PSME2: variants seen among roughly 807,000 people sequenced by gnomAD.
PSME2 encodes proteasome activator subunit 2.
In PSME2, 20 loss-of-function variants were observed where a neutral mutation model predicts 38.8. The observed-to-expected ratio is 0.52, with a 90% CI of 0.36 to 0.75. The LOEUF (loss-of-function observed/expected upper bound fraction) is 0.75, where lower values mean the gene tolerates loss of function less well. Among genes scored for constraint, PSME2 ranks in the 30% least tolerant of loss-of-function variants. PSME2 has a pLI of 0.00. For missense variants in PSME2, 227 were observed against 287.6 expected (o/e 0.79, Z 1.52); for synonymous variants, 82 against 102.5 (o/e 0.80, Z 1.21).
Position 24,145,861 on chromosome 14 carries a change from C to T in PSME2, c.82-89G>A, listed in dbSNP as rs1373997891. On this transcript the variant is annotated intron_variant, in intron 2 of 10. Coordinates refer to ENST00000216802, the MANE Select transcript of PSME2 (RefSeq NM_002818.3). ...GAACTGGAAGGGCCTTTGGAAATCA[C>T]TGGGTCCAAGACTTGCAAATGAGGA... 1.4e-5 allele frequency: 19 copies of T among 1,385,512 alleles called. No homozygotes were observed. In the East Asian group the frequency reaches 4.3e-4, roughly 32 times the overall value. 85.8% of individuals were successfully genotyped at this position (1,385,512 alleles called of 1,614,324 possible). A position where few individuals can be genotyped will look rare whatever the true frequency, so the allele number is the denominator to read the frequency against.
chr14:24,145,570 T>A (rs2038139503), intron 3 of PSME2, 105 bp from the exon 4 acceptor site: 1 of 1,443,698 alleles, frequency 6.9e-7, no homozygotes, highest in East Asian at 2.3e-5. Context: ...CAACCTAGGC[T>A]CATGCCTCAC....
rs1238983236 is a variant in PSME2 at position 24,143,417 on chromosome 14, T to C, written c.712A>G (p.Met238Val). ...TCCTTCTAGTCCCGGGTTCAGTACA[T>C]AGATGGCTTTTCTTCACCCTTTGGG... ...VNPKGEEKPS[M>V]Y Residue 238 changes from methionine to valine, a missense_variant, in exon 11 of 11, where the codon ATG becomes GTG. By Grantham distance (21) the Met-to-Val change is conservative. Coordinates refer to ENST00000216802, the MANE Select transcript of PSME2 (RefSeq NM_002818.3). This position sits in a 1 kb window ranked among gnomAD's most constrained non-coding sequence, Gnocchi z 4.4. 6.2e-7 allele frequency: 1 copy of C among 1,612,914 alleles called. No individual in the cohort carries two copies. The highest frequency in any genetic ancestry group is 1.1e-5 in the South Asian group (1 of 91,058).
At chr14:24,146,072 G>T in intron 2 of PSME2, 136 bp downstream of exon 2, 3 of 1,084,118 alleles carry the variant, frequency 2.8e-6, no homozygotes, top group Non-Finnish European at 4.2e-6. Context: ...ATAATTCCGG[G>T]GTTACTTTGG....
rs767606012 is a variant in PSME2, at chr14:24,146,570, C to G, written c.12G>C (p.Pro4=). The stretch of plus-strand genomic sequence containing the variant: ...CTTCCCCGCTCAGGCGCACCCCACA[C>G]GGCTTGGCCATGCTGCTTCAGTCGC... The part of the protein sequence containing the change: MAK[P]CGVRLSGEAR... The change falls in exon 1 of 11, where the codon CCG becomes CCC. Residue 4 remains proline, a synonymous_variant. Transcript: ENST00000216802. The G allele has an allele frequency of 1.9e-6, 3 of 1,613,756 alleles. No homozygotes were observed. In the East Asian group the frequency reaches 6.7e-5, roughly 36 times the overall value.
In PSME2 at chr14:24,144,458, C is replaced by T; in HGVS notation, c.371G>A (p.Trp124Ter). Residue 124 changes from tryptophan (W) to a stop codon, truncating the protein, a stop_gained, in exon 7 of 11, where the codon TGG becomes TAG. Transcript: ENST00000216802. LOFTEE classifies it high-confidence loss of function. Reference sequence around the variant, plus strand: ...AATCTTGGGGATCAGGTGTTGGATCCATGTAATCACCTGTGTTAAGAGGTA... The same window carrying T: ...AATCTTGGGGATCAGGTGTTGGATCTATGTAATCACCTGTGTTAAGAGGTA... The part of the protein sequence containing the change: ...LKEKCILVIT[W>*]IQHLIPKIED... 6.2e-7 allele frequency: 1 copy of T among 1,611,994 alleles called. No individual in the cohort carries two copies. The highest frequency in any genetic ancestry group is 8.5e-7 in the Non-Finnish European group (1 of 1,178,064).
At chr14:24,145,220 T>TA in intron 5 of PSME2, 23 bp downstream of exon 5, 1 of 1,613,658 alleles carries the variant, frequency 6.2e-7, no homozygotes, top group South Asian at 1.1e-5. Context: ...ACCCCTTCCC[T>TA]AGTCACCTCT....
intron 6 of PSME2, 90 bp from the exon 7 acceptor site, chr14:24,144,558 T>C: frequency 7.7e-7 from 1 of 1,294,800 alleles, no homozygotes; most frequent in Non-Finnish European, 1.1e-6. Context: ...TTATATTTAA[T>C]TGGGTACTTA....
At chr14:24,146,427 C>T in intron 1 of PSME2, 107 bp downstream of exon 1, 5 of 1,498,646 alleles carry the variant, frequency 3.3e-6, no homozygotes, top group Non-Finnish European at 4.6e-6. Flanking sequence ...AAGGCACTAG[C>T]GAGATTGGGG....
chr14:24,145,922 C>A (rs769555877), intron 2 of PSME2, 150 bp from the exon 3 acceptor site: 2 of 919,588 alleles, frequency 2.2e-6, no homozygotes, highest in African/African-American at 1.6e-5. Context: ...CTTGCCCAAG[C>A]TGGTAAATGG....
chr14:24,146,113 G>T, intron 2 of PSME2, 95 bp downstream of exon 2: 1 of 1,466,428 alleles, frequency 6.8e-7, no homozygotes, highest in Non-Finnish European at 9.5e-7. Flanking sequence ...GTAGGGTTAA[G>T]TCTAGGGTGA....
At chr14:24,145,192 A>G in intron 5 of PSME2, 37 bp from the exon 6 acceptor site, 1 of 1,611,982 alleles carries the variant, frequency 6.2e-7, no homozygotes, top group Non-Finnish European at 8.5e-7. Context: ...TTTCTCATCC[A>G]GTAGTCAGTG....
In PSME2 at chr14:24,146,241, CTACACAGAGAGCAG is replaced by C; in HGVS notation, c.49-15_49-2del. The C allele has an allele frequency of 6.2e-7, 1 of 1,613,806 alleles. No individual in the cohort carries two copies. The highest frequency in any genetic ancestry group is 1.3e-5 in the African/African-American group (1 of 75,010). On this transcript the variant is annotated splice_acceptor_variant and splice_polypyrimidine_tract_variant and intron_variant, in intron 1 of 10. Transcript: ENST00000216802. LOFTEE classifies it high-confidence loss of function. ...AAAGATTCTGTCTGAAGACCTCCAC[CTACACAGAGAGCAG>C]TACCCGGATGTTGGTTAAGGGTCTG...
chr14:24,143,678 T>A lies in PSME2; in HGVS notation c.553-7A>T. The stretch of plus-strand genomic sequence containing the variant: ...CCAAGGCCCGGTAATCCATCTGCAA[T>A]GTGGGAGGCAAAGCTGAGTCAGTCC... On this transcript the variant is annotated splice_polypyrimidine_tract_variant and splice_region_variant and intron_variant, in intron 9 of 10. Transcript: ENST00000216802. This position sits in a 1 kb window ranked among gnomAD's most constrained non-coding sequence, Gnocchi z 4.4. The A allele has an allele frequency of 1.2e-6, 2 of 1,613,960 alleles. No individual in the cohort carries two copies. The highest frequency in any genetic ancestry group is 1.7e-6 in the Non-Finnish European group (2 of 1,179,964).
chr14:24,145,372 G>A lies in PSME2; in HGVS notation c.231+7C>T. The A allele has an allele frequency of 6.2e-7, 1 of 1,602,040 alleles. No homozygotes were observed. Among genetic ancestry groups the A allele is most frequent in the Non-Finnish European group, 8.5e-7 (1 of 1,173,474 alleles). ...ATAGTCCAAGTCCTGCACCCTGAGT[G>A]CCTCACCTCATCATCCTTGGGTGGA... On this transcript the variant is annotated splice_region_variant and intron_variant, in intron 4 of 10. Transcript: ENST00000216802.
At position 24,146,593 on chromosome 14, in the gene PSME2, C is replaced by T. The variant is rs1482421797; in HGVS notation, c.-12G>A. 4 of 1,612,960 alleles carry T rather than the reference C, an allele frequency of 2.5e-6. No homozygotes were observed. The African/African-American group carries it at 4.0e-5, about 16-fold the overall frequency. ...CACGGCTTGGCCATGCTGCTTCAGTCGCTAGATCTCTGGTCTCCCGGCTAG... is the reference window on the plus strand; with the variant it reads ...CACGGCTTGGCCATGCTGCTTCAGTTGCTAGATCTCTGGTCTCCCGGCTAG... On this transcript the variant is annotated 5_prime_UTR_variant, in exon 1 of 11. Transcript: ENST00000216802.
At chr14:24,145,316 A>C in intron 4 of PSME2, 43 bp from the exon 5 acceptor site, 1 of 1,613,392 alleles carries the variant, frequency 6.2e-7, no homozygotes, top group Non-Finnish European at 8.5e-7. Flanking sequence ...AAAGTCACAG[A>C]GGTTGAAGGG....
chr14:24,146,454 C>A, intron 1 of PSME2, 80 bp downstream of exon 1: 1 of 1,583,476 alleles, frequency 6.3e-7, no homozygotes, highest in Non-Finnish European at 8.7e-7. Flanking sequence ...TCTGGCACTG[C>A]TTGGTCCCCT....
intron 7 of PSME2, 32 bp downstream of exon 7, chr14:24,144,367 CA>C (rs779302261): frequency 2.7e-5 from 44 of 1,607,886 alleles, no homozygotes; most frequent in Non-Finnish European, 3.6e-5. Context: ...AGGCTCTCCC[CA>C]CTCTAAGTAT....
At chr14:24,145,647 A>G (rs1172562429) in intron 3 of PSME2, 63 bp downstream of exon 3, 1 of 1,543,598 alleles carries the variant, frequency 6.5e-7, no homozygotes, top group African/African-American at 1.4e-5. Flanking sequence ...GTTGTTAGCT[A>G]GAGAGGGTGG....
Sources: allele counts gnomAD v4.1 joint callset, GRCh38; gene constraint gnomAD v4.1.1; non-coding constraint Gnocchi (gnomAD v3.1); transcripts MANE v1.5; gene names NCBI Gene and HGNC (gene_info 2026-07-23, HGNC 2026-07-21).